Variants in PRDM2 observed in about 807,000 individuals in gnomAD.
PRDM2 encodes the protein PR/SET domain 2, also known as PR domain zinc finger protein 2.
PRDM2 carries 30 observed loss-of-function variants against 130.0 expected under a neutral mutation model. That is an observed-to-expected ratio of 0.23 (90% CI 0.17 to 0.31). The LOEUF (loss-of-function observed/expected upper bound fraction) is 0.31. Ranked by LOEUF, PRDM2 falls within the 10% of genes least tolerant of loss-of-function variation. PRDM2 has a pLI of 1.00. For synonymous variants in PRDM2, 871 were observed against 782.4 expected (o/e 1.11, Z -1.89); for missense variants, 2,011 against 2,108.4 (o/e 0.95, Z 0.90).
chr1:13,720,713 C>T (rs1181967895), intron 2 of PRDM2, among the ~76,000 whole-genome samples: 2 of 152,182 alleles, frequency 1.3e-5, no homozygotes, highest in Non-Finnish European at 2.9e-5. Flanking sequence ...CTATTGATTG[C>T]AACCACATGG....
At chr1:13,783,033 C>A in intron 8 of PRDM2, 1 of 1,273,008 alleles carries the variant, frequency 7.9e-7, no homozygotes, top group Non-Finnish European at 1.1e-6. Flanking sequence ...AGACTTAGGA[C>A]TCACAAAGCA....
intron 1 of PRDM2, among the ~76,000 whole-genome samples, chr1:13,706,707 T>C (rs970093582): frequency 2.0e-5 from 3 of 152,188 alleles, no homozygotes; most frequent in African/African-American, 7.2e-5. Context: ...CTTTTTTTTT[T>C]TAAATCATAA....
At chr1:13,718,941 C>A (rs1313728297) in intron 2 of PRDM2, among the ~76,000 whole-genome samples, 1 of 152,134 alleles carries the variant, frequency 6.6e-6, no homozygotes, top group South Asian at 2.1e-4. Context: ...AAAATTCATT[C>A]ATTCCTTCCC....
At chr1:13,761,368 C>G (rs1644093035) in intron 6 of PRDM2, among the ~76,000 whole-genome samples, 1 of 152,004 alleles carries the variant, frequency 6.6e-6, no homozygotes, top group Admixed American at 6.6e-5. Context: ...GGTGTGAAAT[C>G]AGGAAAAAAA....
chr1:13,702,961 T>C (rs1642112004), intron 1 of PRDM2, among the ~76,000 whole-genome samples: 1 of 152,200 alleles, frequency 6.6e-6, no homozygotes, highest in South Asian at 2.1e-4. Flanking sequence ...ATCACCTGAC[T>C]GTCCTTACCA....
intron 7 of PRDM2, among the ~76,000 whole-genome samples, chr1:13,776,085 T>C (rs1644468634): frequency 6.6e-6 from 1 of 152,204 alleles, no homozygotes; most frequent in African/African-American, 2.4e-5. Flanking sequence ...TCCTGATTAA[T>C]CAAACCCATA....
At chr1:13,758,143 T>C (rs1644004469) in intron 6 of PRDM2, among the ~76,000 whole-genome samples, 1 of 152,158 alleles carries the variant, frequency 6.6e-6, no homozygotes, top group African/African-American at 2.4e-5. Flanking sequence ...TATTTGATTG[T>C]TAAGACTTAG....
intron 6 of PRDM2, among the ~76,000 whole-genome samples, chr1:13,754,224 G>T (rs1024129991): frequency 6.6e-6 from 1 of 152,116 alleles, no homozygotes; most frequent in Non-Finnish European, 1.5e-5. Flanking sequence ...TCTGCAAATG[G>T]ACATATATTG....
chr1:13,758,853 T>C (rs1644027817), intron 6 of PRDM2, among the ~76,000 whole-genome samples: 1 of 152,238 alleles, frequency 6.6e-6, no homozygotes, highest in African/African-American at 2.4e-5. Context: ...TTATTTTTAA[T>C]AGACTATTTG....
chr1:13,747,720 A>C (rs1331223126), intron 5 of PRDM2, among the ~76,000 whole-genome samples: 1 of 150,144 alleles, frequency 6.7e-6, no homozygotes, highest in Admixed American at 6.6e-5. Flanking sequence ...GGTATGTTGA[A>C]GTGAGGAACT....
intron 8 of PRDM2, among the ~76,000 whole-genome samples, chr1:13,784,175 T>G (rs907449899): frequency 6.6e-6 from 1 of 152,220 alleles, no homozygotes; most frequent in Admixed American, 6.5e-5. Context: ...GGCACATACA[T>G]AGGTAGCATC....
At chr1:13,793,560 CA>C (rs1229017507) in intron 8 of PRDM2, among the ~76,000 whole-genome samples, 4 of 152,192 alleles carry the variant, frequency 2.6e-5, no homozygotes, top group African/African-American at 9.7e-5. Flanking sequence ...AACTGAGAAA[CA>C]TAAGTTTCTA....
rs775415506 is a variant in PRDM2 at position 13,742,081 on chromosome 1, A to G, written c.308A>G (p.Asn103Ser). Residue 103 changes from asparagine to serine, a missense_variant, in exon 5 of 10, where the codon AAT becomes AGT. Asn to Ser is a conservative substitution (Grantham distance 46). Transcript: ENST00000311066. ...PEKGNWLRYV[N>S]WACSGEEQNL... The stretch of plus-strand genomic sequence containing the variant: ...AAGGGAAACTGGCTGCGATATGTGA[A>G]TTGGGCTTGCTCAGGAGAAGAGCAA... 4 of 1,610,940 alleles carry G rather than the reference A, an allele frequency of 2.5e-6. No individual in the cohort carries two copies. Among genetic ancestry groups the G allele is most frequent in the Non-Finnish European group, 3.4e-6 (4 of 1,177,174 alleles).
At chr1:13,822,458 C>T (rs548892225) in intron 9 of PRDM2, among the ~76,000 whole-genome samples, 26 of 150,602 alleles carry the variant, frequency 1.7e-4, no homozygotes, top group African/African-American at 5.6e-4. Context: ...TGCAGTGGCG[C>T]GATCTGGGAT....
At position 13,778,819 on chromosome 1, in the gene PRDM2, C is replaced by A. The variant is rs775224622; in HGVS notation, c.1024C>A (p.Gln342Lys). The A allele has an allele frequency of 2.5e-6, 4 of 1,614,136 alleles. No homozygotes were observed. The South Asian group carries it at 3.3e-5, about 13-fold the overall frequency. The change falls in exon 8 of 10, where the codon CAA becomes AAA. Residue 342 changes from glutamine (Q) to lysine (K), a missense_variant. By Grantham distance (53) the Gln-to-Lys change is moderately conservative. Around this residue, in one of 5 missense-constraint regions of PRDM2, gnomAD observed 1,288 missense variants for 1,237.7 expected, o/e 1.04. Coordinates refer to ENST00000311066, the MANE Select transcript of PRDM2 (RefSeq NM_001393986.1). ...EDCSEVTPAMQIPRTKEEANG... is the reference protein window; with the variant it reads ...EDCSEVTPAMKIPRTKEEANG... ...CTGCTCAGAGGTAACACCTGCCATG[C>A]AAATCCCCAGAACTAAAGAAGAGGC...
At chr1:13,736,761 ATTG>A (rs1375316046) in intron 4 of PRDM2, among the ~76,000 whole-genome samples, 1 of 152,056 alleles carries the variant, frequency 6.6e-6, no homozygotes, top group Admixed American at 6.6e-5. Context: ...AAAATCCAGT[ATTG>A]TTAATCTTTT....
In PRDM2 at chr1:13,782,719, A is replaced by C; in HGVS notation, c.4924A>C (p.Arg1642=). 1 of 1,613,998 alleles carries C rather than the reference A, an allele frequency of 6.2e-7. No homozygotes were observed. The highest frequency in any genetic ancestry group is 8.5e-7 in the Non-Finnish European group (1 of 1,179,980). Residue 1642 remains arginine (R), a synonymous_variant, in exon 8 of 10, where the codon AGA becomes CGA. Coordinates refer to ENST00000311066, the MANE Select transcript of PRDM2 (RefSeq NM_001393986.1). ...AACAGACCGGTTCAATATAAAATCTAGAGAGCGGAGTGGGGGGCCAGTCAC... is the reference window on the plus strand; with the variant it reads ...AACAGACCGGTTCAATATAAAATCTCGAGAGCGGAGTGGGGGGCCAGTCAC... ...KRTDRFNIKS[R]ERSGGPVTRS...
chr1:13,819,768 T>C (rs1360067599), intron 9 of PRDM2, among the ~76,000 whole-genome samples: 1 of 152,156 alleles, frequency 6.6e-6, no homozygotes, highest in African/African-American at 2.4e-5. Flanking sequence ...CTCATTGCTG[T>C]GTCCTCACGT....
chr1:13,804,697 A>G (rs990178608), intron 8 of PRDM2, among the ~76,000 whole-genome samples: 1 of 152,174 alleles, frequency 6.6e-6, no homozygotes, highest in Non-Finnish European at 1.5e-5. Flanking sequence ...CCTGGGCTGT[A>G]CCTGAAACCA....
Sources: gnomAD v4.1 joint callset for allele counts (sites outside exome capture counted in the v4.1 genomes callset) on GRCh38, gnomAD v4.1.1 for gene constraint, gnomAD v4.1.1 regional missense constraint, MANE v1.5 for transcripts, NCBI Gene and HGNC (gene_info 2026-07-23, HGNC 2026-07-21) for gene names.